The following HPS3 variants were observed in gnomAD, a reference collection of about 807,000 sequenced individuals.
HPS3 encodes the protein BLOC-2 complex member HPS3.
In HPS3, 79 loss-of-function variants were observed where a neutral mutation model predicts 110.9. The ratio of observed to expected loss-of-function variants is 0.71; its 90% CI spans 0.59 to 0.86. The LOEUF is 0.86. Among genes scored for constraint, HPS3 ranks in the 40% least tolerant of loss-of-function variants. The probability of loss-of-function intolerance (pLI) is 0.00; values close to 1 mark genes in which losing one functional copy is unlikely to be tolerated. For missense variants in HPS3, 1,197 were observed against 1,206.2 expected, an observed-to-expected ratio of 0.99 and a Z score of 0.11; for synonymous variants, 428 against 451.0, an observed-to-expected ratio of 0.95 and a Z score of 0.65.
In HPS3 at chr3:149,141,183, C is replaced by T. The variant is rs1344197202; in HGVS notation, c.879C>T (p.Leu293=). The change falls in exon 3 of 17, where the codon CTC becomes CTT. Residue 293 remains leucine (L), a synonymous_variant. Transcript: ENST00000296051. ...KRKYSHFQHL[L]YRRFAPDISS... ...AATATTCCCACTTTCAGCACCTGCTCTATAGGTATTATAGTGCTTTTTTTT... is the reference window on the plus strand; with the variant it reads ...AATATTCCCACTTTCAGCACCTGCTTTATAGGTATTATAGTGCTTTTTTTT... 1.3e-6 allele frequency: 2 copies of T among 1,588,160 alleles called. No homozygotes were observed. The highest frequency in any genetic ancestry group is 1.7e-6 in the Non-Finnish European group (2 of 1,165,320).
At chr3:149,145,216 T>G (rs907505948) in intron 4 of HPS3, 138 bp from the exon 5 acceptor site, 3 of 684,870 alleles carry the variant, frequency 4.4e-6, no homozygotes, top group Admixed American at 2.3e-5. Flanking sequence ...ACCAACATTC[T>G]TCTATAAAGA....
Position 149,160,118 on chromosome 3 carries a change from C to T in HPS3, c.1945C>T (p.Pro649Ser), listed in dbSNP as rs1400622155. 42 of 1,613,812 alleles carry T rather than the reference C, an allele frequency of 2.6e-5. No homozygotes were observed. The highest frequency in any genetic ancestry group is 3.4e-5 in the Non-Finnish European group (40 of 1,179,792). Residue 649 changes from proline to serine, a missense_variant, in exon 11 of 17, where the codon CCT (proline) becomes TCT (serine). Physicochemically the swap from Pro to Ser is moderately conservative, Grantham distance 74 (BLOSUM62 -1). Coordinates refer to ENST00000296051, the MANE Select transcript of HPS3 (RefSeq NM_032383.5). Reference protein sequence around the residue: ...PKQVPHILCSPSMKNINPLTA... With the variant: ...PKQVPHILCSSSMKNINPLTA... ...GCAAGTGCCCCATATTCTCTGTAGT[C>T]CTTCTATGAAGAATATTAATCCTTT... is the stretch of plus-strand genomic sequence containing the variant.
rs1559922420 is a variant in HPS3 at position 149,162,177 on chromosome 3, A to G, written c.2136A>G (p.Glu712=). Residue 712 remains glutamate, a synonymous_variant, in exon 12 of 17, where the codon GAA becomes GAG. Coordinates refer to ENST00000296051, the MANE Select transcript of HPS3 (RefSeq NM_032383.5). ...AGTTGGTATGTGGCTTCATTCTGGA[A>G]CCTCGGCTGTTGATTCAACAGAGAA... is the stretch of plus-strand genomic sequence containing the variant. The part of the protein sequence containing the change: ...EMKLVCGFIL[E]PRLLIQQRKG... 1 of 1,613,874 alleles carries G rather than the reference A, an allele frequency of 6.2e-7. No individual in the cohort carries two copies. Among genetic ancestry groups the G allele is most frequent in the African/African-American group, 1.3e-5 (1 of 75,018 alleles).
Position 149,173,484 on chromosome 3 carries a change from T to G in HPS3, c.*1262T>G, listed in dbSNP as rs1458412246. On this transcript the variant is annotated 3_prime_UTR_variant, in exon 17 of 17. Coordinates refer to ENST00000296051, the MANE Select transcript of HPS3 (RefSeq NM_032383.5). ...ATATCATTAGACTGTATGAATCAGTTTTATTACCTAGTGTACAAGTGTCAG... is the reference window on the plus strand; with the variant it reads ...ATATCATTAGACTGTATGAATCAGTGTTATTACCTAGTGTACAAGTGTCAG... 2 of 379,190 alleles carry G rather than the reference T, an allele frequency of 5.3e-6. No homozygotes were observed. Among genetic ancestry groups the G allele is most frequent in the Non-Finnish European group, 9.9e-6 (2 of 202,506 alleles). 23.5% of individuals were successfully genotyped at this position (379,190 alleles called of 1,614,324 possible).
At chr3:149,152,198 A>G (rs1228910507) in intron 6 of HPS3, among the ~76,000 whole-genome samples, 1 of 152,172 alleles carries the variant, frequency 6.6e-6, no homozygotes, top group Non-Finnish European at 1.5e-5. Context: ...TAAAAATAGA[A>G]AAGTAACAGA....
intron 1 of HPS3, among the ~76,000 whole-genome samples, chr3:149,137,386 AAC>A (rs759819745): frequency 6.6e-6 from 1 of 152,228 alleles, no homozygotes; most frequent in Non-Finnish European, 1.5e-5. Context: ...AATGTAAAAT[AAC>A]ACAGCCTATG....
intron 5 of HPS3, among the ~76,000 whole-genome samples, chr3:149,149,238 C>G (rs1289087334): frequency 6.6e-6 from 1 of 151,600 alleles, no homozygotes; most frequent in Non-Finnish European, 1.5e-5. Flanking sequence ...GCTGGGATTA[C>G]AGGCTTGAGC....
Sources: allele counts gnomAD v4.1 joint callset (sites outside exome capture counted in the v4.1 genomes callset), GRCh38; gene constraint gnomAD v4.1.1; transcripts MANE v1.5; gene names NCBI Gene and HGNC (gene_info 2026-07-23, HGNC 2026-07-21).